The following TBX20 variants were observed in gnomAD, a reference collection of about 807,000 sequenced individuals.
TBX20 encodes T-box transcription factor 20.
TBX20 carries 8 observed loss-of-function variants against 42.9 expected under a neutral mutation model. The observed-to-expected ratio is 0.19, with a 90% CI of 0.11 to 0.34. The LOEUF (loss-of-function observed/expected upper bound fraction) is 0.34, where lower values mean the gene tolerates loss of function less well. Among genes scored for constraint, TBX20 ranks in the 10% least tolerant of loss-of-function variants. The pLI is 1.00. For synonymous variants in TBX20, 198 were observed against 222.8 expected (o/e 0.89, Z 0.99); for missense variants, 411 against 566.0 (o/e 0.73, Z 2.78).
Position 35,204,517 on chromosome 7 carries a change from C to A in TBX20, c.956G>T (p.Gly319Val), listed in dbSNP as rs1789366327. The stretch of plus-strand genomic sequence containing the variant: ...CTCATCCCCCAAGACATCTTCTTCT[C>A]CTCCGTAGGTACGGATGGGTGAGCG... Reference protein sequence around the residue: ...YARSPIRTYGGEEDVLGDESQ... With the variant: ...YARSPIRTYGVEEDVLGDESQ... The change falls in exon 7 of 8, where the codon GGA becomes GTA. Residue 319 changes from glycine (G) to valine (V), a missense_variant. By Grantham distance (109) the Gly-to-Val change is moderately radical. Coordinates refer to ENST00000408931, the MANE Select transcript of TBX20 (RefSeq NM_001077653.2). 1 of 1,614,136 alleles carries A rather than the reference C, an allele frequency of 6.2e-7. No homozygotes were observed. The highest frequency in any genetic ancestry group is 8.5e-7 in the Non-Finnish European group (1 of 1,179,978).
chr7:35,251,284 G>A (rs1790299821), intron 1 of TBX20, among the ~76,000 whole-genome samples: 1 of 152,194 alleles, frequency 6.6e-6, no homozygotes, highest in Non-Finnish European at 1.5e-5. Flanking sequence ...GTATGTACAT[G>A]TACATGATGT....
chr7:35,235,633 T>C (rs963522274), intron 5 of TBX20, among the ~76,000 whole-genome samples: 1 of 152,212 alleles, frequency 6.6e-6, no homozygotes, highest in Admixed American at 6.5e-5. Context: ...TCTACATATA[T>C]CCAAGTTACT....
At chr7:35,205,994 T>C (rs1379294143) in intron 6 of TBX20, among the ~76,000 whole-genome samples, 2 of 152,208 alleles carry the variant, frequency 1.3e-5, no homozygotes, top group African/African-American at 2.4e-5. Flanking sequence ...ATGTAAAGTA[T>C]GCTACCATTT....
intron 3 of TBX20, among the ~76,000 whole-genome samples, chr7:35,247,311 G>T (rs1034981677): frequency 1.3e-5 from 2 of 151,736 alleles, no homozygotes; most frequent in African/African-American, 4.8e-5. Flanking sequence ...AAATAGAAGA[G>T]AACACTAATT....
At chr7:35,227,797 G>A (rs184694873) in intron 6 of TBX20, among the ~76,000 whole-genome samples, 8 of 152,212 alleles carry the variant, frequency 5.3e-5, no homozygotes, top group Admixed American at 1.3e-4. Flanking sequence ...GATTACCAGC[G>A]TCTCGAAGGG....
Position 35,253,508 on chromosome 7 carries a change from G to A in TBX20, c.113C>T (p.Thr38Ile). ...GCCCAACTTACCCAGGGGTTTGATT[G>A]TGTTCTCCGTCGCCTCCTTCTCCTT... ...GSKEKEATEN[T>I]IKPLEQFVEK... Residue 38 changes from threonine (T) to isoleucine (I), a missense_variant, in exon 1 of 8, where the codon ACA becomes ATA. Physicochemically the swap from Thr to Ile is moderately conservative, Grantham distance 89. This residue lies in a region of TBX20 where 114 missense variants were observed against 128.0 expected (regional missense o/e 0.89). Coordinates refer to ENST00000408931, the MANE Select transcript of TBX20 (RefSeq NM_001077653.2). 1.2e-6 allele frequency: 2 copies of A among 1,611,458 alleles called. No homozygotes were observed. The highest frequency in any genetic ancestry group is 4.5e-5 in the East Asian group (2 of 44,824).
rs769662004 is a variant in TBX20 at position 35,240,934 on chromosome 7, G to T, written c.758C>A (p.Thr253Asn). The T allele has an allele frequency of 1.2e-6, 2 of 1,613,866 alleles. No homozygotes were observed. Among genetic ancestry groups the T allele is most frequent in the East Asian group, 4.5e-5 (2 of 44,874 alleles). ...LLNLKSEEFR[T>N]FIFPETVFTA... is the part of the protein sequence containing the mutation. ...AAAAACTGTTTCTGGAAAGATGAAA[G>T]TTCTAAATTCTTCAGACTTCAGGTT... The change falls in exon 5 of 8, where the codon ACT becomes AAT. Residue 253 changes from threonine to asparagine, a missense_variant. Transcript: ENST00000408931.
intron 5 of TBX20, among the ~76,000 whole-genome samples, chr7:35,240,376 C>T (rs1175191030): frequency 6.6e-6 from 1 of 152,154 alleles, no homozygotes; most frequent in African/African-American, 2.4e-5. Flanking sequence ...ATGTTACATA[C>T]TATGGTTTAC....
chr7:35,246,762 C>T (rs1020932187), intron 3 of TBX20, among the ~76,000 whole-genome samples: 3 of 152,048 alleles, frequency 2.0e-5, no homozygotes, highest in Non-Finnish European at 4.4e-5. Flanking sequence ...CCAAGTTCTT[C>T]GTTTTTCTCT....
intron 3 of TBX20, among the ~76,000 whole-genome samples, chr7:35,246,114 G>A (rs187638228): frequency 2.0e-5 from 3 of 152,276 alleles, no homozygotes; most frequent in South Asian, 2.1e-4. Context: ...CAAGAAATCT[G>A]TTCCATGGTT....
chr7:35,230,788 G>T (rs190169260), intron 6 of TBX20, among the ~76,000 whole-genome samples: 18 of 152,196 alleles, frequency 1.2e-4, no homozygotes, highest in African/African-American at 4.1e-4. Flanking sequence ...CCACATAAAA[G>T]AATTAGTGTG....
intron 5 of TBX20, among the ~76,000 whole-genome samples, chr7:35,237,069 A>G (rs1789980608): frequency 6.6e-6 from 1 of 152,080 alleles, no homozygotes; most frequent in Admixed American, 6.6e-5. Flanking sequence ...ATCTATCATG[A>G]TGCCACCAAA....
chr7:35,209,254 A>C (rs995387274), intron 6 of TBX20, among the ~76,000 whole-genome samples: 8 of 152,154 alleles, frequency 5.3e-5, no homozygotes, highest in Admixed American at 2.0e-4. Flanking sequence ...TTTCAGGTAG[A>C]ATTGTCATTA....
chr7:35,249,824 C>T lies in TBX20; in HGVS notation c.380+127G>A. 9.2e-7 allele frequency: 1 copy of T among 1,083,514 alleles called. No homozygotes were observed. Among genetic ancestry groups the T allele is most frequent in the Non-Finnish European group, 1.3e-6 (1 of 757,566 alleles). 67.1% of individuals were successfully genotyped at this position (1,083,514 alleles called of 1,614,324 possible). ...TGCAAGCTGGTGGAAAGCAGCTGCCCTGGAGCCAAGCTGTCTCTCCGCTCC... is the reference window on the plus strand; with the variant it reads ...TGCAAGCTGGTGGAAAGCAGCTGCCTTGGAGCCAAGCTGTCTCTCCGCTCC... On this transcript the variant is annotated intron_variant, in intron 2 of 7. Coordinates refer to ENST00000408931, the MANE Select transcript of TBX20 (RefSeq NM_001077653.2). This position sits in a 1 kb window ranked among gnomAD's most constrained non-coding sequence, Gnocchi z 4.3.
At chr7:35,205,968 T>A (rs1789392168) in intron 6 of TBX20, among the ~76,000 whole-genome samples, 1 of 152,138 alleles carries the variant, frequency 6.6e-6, no homozygotes, top group Non-Finnish European at 1.5e-5. Flanking sequence ...GTGAAAAAAG[T>A]AAAATACAGA....
At chr7:35,243,619 T>C (rs1790123587) in intron 4 of TBX20, among the ~76,000 whole-genome samples, 1 of 152,006 alleles carries the variant, frequency 6.6e-6, no homozygotes, top group Non-Finnish European at 1.5e-5. Flanking sequence ...ACATTAAGAA[T>C]GATCACTGAC....
At chr7:35,251,019 C>A (rs1263687203) in intron 1 of TBX20, among the ~76,000 whole-genome samples, 1 of 152,132 alleles carries the variant, frequency 6.6e-6, no homozygotes, top group Non-Finnish European at 1.5e-5. Context: ...CAAATCCAGA[C>A]CAGCAGTGTA....
At chr7:35,224,972 T>C (rs1789745450) in intron 6 of TBX20, among the ~76,000 whole-genome samples, 1 of 151,762 alleles carries the variant, frequency 6.6e-6, no homozygotes, top group Admixed American at 6.6e-5. Context: ...GTCCCAGAAA[T>C]TTCAATCAGT....
intron 5 of TBX20, among the ~76,000 whole-genome samples, chr7:35,234,908 G>A (rs1430180067): frequency 6.6e-6 from 1 of 152,070 alleles, no homozygotes; most frequent in Non-Finnish European, 1.5e-5. Flanking sequence ...AGAGATTGTG[G>A]ATTAAACTTC....
Sources: allele counts gnomAD v4.1 joint callset (sites outside exome capture counted in the v4.1 genomes callset), GRCh38; gene constraint gnomAD v4.1.1; regional missense constraint gnomAD v4.1.1; non-coding constraint Gnocchi (gnomAD v3.1); transcripts MANE v1.5; gene names NCBI Gene and HGNC (gene_info 2026-07-23, HGNC 2026-07-21).